The following TNRC18 variants were observed in gnomAD, a reference collection of about 807,000 sequenced individuals.
TNRC18 encodes trinucleotide repeat-containing gene 18 protein.
In TNRC18, 69 loss-of-function variants were observed where a neutral mutation model predicts 226.7. The observed-to-expected ratio is 0.30, with a 90% confidence interval of 0.25 to 0.37. The LOEUF (loss-of-function observed/expected upper bound fraction) is 0.37. Ranked by LOEUF, TNRC18 falls within the 10% of genes least tolerant of loss-of-function variation. The pLI is 1.00. For synonymous variants in TNRC18, 2,449 were observed against 1,927.6 expected (o/e 1.27, Z -7.09); for missense variants, 4,754 against 4,256.6 (o/e 1.12, Z -3.25).
At position 5,352,069 on chromosome 7, in the gene TNRC18, T is replaced by C. The variant is rs749315484; in HGVS notation, c.5220A>G (p.Glu1740=). 1.2e-5 allele frequency: 19 copies of C among 1,610,142 alleles called. No homozygotes were observed. The East Asian group carries it at 3.3e-4, about 28-fold the overall frequency. ...SYNTDSEEDE[E]FLKDEWPAQG... is the part of the protein sequence containing the mutation. Reference sequence around the variant, plus strand: ...GGGCGGGCCACTCGTCCTTCAGGAATTCTTCGTCTTCCTCTGAGTCCGTAT... The same window carrying C: ...GGGCGGGCCACTCGTCCTTCAGGAACTCTTCGTCTTCCTCTGAGTCCGTAT... The change falls in exon 17 of 30, where the codon GAA becomes GAG. Residue 1740 remains glutamate, a synonymous_variant. Transcript: ENST00000430969.
intron 2 of TNRC18, among the ~76,000 whole-genome samples, chr7:5,405,273 CA>C (rs1200957551): frequency 6.6e-6 from 1 of 152,052 alleles, no homozygotes; most frequent in Non-Finnish European, 1.5e-5. Context: ...ACTAAAAATA[CA>C]AAAGTTAGCC....
chr7:5,330,550 C>G (rs547133448), intron 19 of TNRC18, among the ~76,000 whole-genome samples: 6 of 152,064 alleles, frequency 3.9e-5, no homozygotes, highest in African/African-American at 1.4e-4. Flanking sequence ...GGTGCCTGTC[C>G]ATATGTGAGC....
chr7:5,357,405 C>T (rs904931792), intron 15 of TNRC18, 129 bp from the exon 16 acceptor site: 3 of 1,019,068 alleles, frequency 2.9e-6, no homozygotes, highest in African/African-American at 3.3e-5. Context: ...CCTCTTAGCA[C>T]GCATATATAT....
chr7:5,346,804 A>G (rs1375956195), intron 17 of TNRC18, among the ~76,000 whole-genome samples: 1 of 152,238 alleles, frequency 6.6e-6, no homozygotes, highest in African/African-American at 2.4e-5. Flanking sequence ...GCCGGGGTCC[A>G]GAGAGAATCA....
At chr7:5,351,607 T>C (rs1450242576) in intron 17 of TNRC18, among the ~76,000 whole-genome samples, 1 of 152,092 alleles carries the variant, frequency 6.6e-6, no homozygotes, top group African/African-American at 2.4e-5. Flanking sequence ...ATCACAATGA[T>C]ACAGTACAAA....
intron 4 of TNRC18, 158 bp downstream of exon 4, chr7:5,390,327 C>CCAG (rs1196405727): frequency 2.5e-6 from 2 of 813,330 alleles, no homozygotes; most frequent in Non-Finnish European, 3.8e-6. Context: ...CCACTGCACT[C>CCAG]CAGCCTGGGC....
Position 5,313,401 on chromosome 7 carries a change from C to T in TNRC18, c.7490G>A (p.Ser2497Asn). The T allele has an allele frequency of 6.3e-7, 1 of 1,595,382 alleles. No homozygotes were observed. The highest frequency in any genetic ancestry group is 8.5e-7 in the Non-Finnish European group (1 of 1,172,404). The change falls in exon 27 of 30, where the codon AGC becomes AAC. Residue 2497 changes from serine (S) to asparagine (N), a missense_variant. Transcript: ENST00000430969. ...PGAGGWQEPK[S>N]LLSLGSYPPA... ...GGGATAGCTGCCCAGGCTCAGGAGG[C>T]TCTTGGGCTCCTGCCAGCCCCCCGC...
chr7:5,345,517 G>GCACCCCCCC lies in TNRC18; in HGVS notation c.5719+44_5719+45insGGGGGGGTG. 14 of 377,744 alleles carry GCACCCCCCC rather than the reference G, an allele frequency of 3.7e-5. 3 individuals are homozygous for GCACCCCCCC. The highest frequency in any genetic ancestry group is 3.5e-4 in the South Asian group (8 of 22,822). The allele number at this position is 377,744 out of a possible 1,614,324, so 23.4% of individuals were successfully genotyped here. The stretch of plus-strand genomic sequence containing the variant: ...CCTGTGGGATGGGGCAATGGCGTCC[G>GCACCCCCCC]CCCCTCCCACCCACCCCCACCGCAG... On this transcript the variant is annotated intron_variant, in intron 18 of 29. Coordinates refer to ENST00000430969, the MANE Select transcript of TNRC18 (RefSeq NM_001080495.3).
intron 17 of TNRC18, 55 bp downstream of exon 17, chr7:5,351,764 C>A: frequency 6.7e-7 from 1 of 1,502,754 alleles, no homozygotes; most frequent in South Asian, 1.4e-5. Flanking sequence ...CGCTCACTCG[C>A]ACGCACTCTC....
In TNRC18 at chr7:5,350,001, C is replaced by T. The variant is rs187919134; in HGVS notation, c.5470+1818G>A. 2.9e-3 allele frequency among the ~76,000 whole-genome samples: 441 copies of T among 152,296 alleles called. 1 individual carries two copies. Among genetic ancestry groups the T allele is most frequent in the African/African-American group, 0.01 (416 of 41,580 alleles). On this transcript the variant is annotated intron_variant, in intron 17 of 29. Transcript: ENST00000430969. ...TGCGGCGCCAGCCCGGAGCCCCTTC[C>T]TAAGAGGCCTAGGGCGCTGCCTGCT...
chr7:5,378,544 A>G lies in TNRC18; in HGVS notation c.2153-520T>C, dbSNP rs564629156. Among the ~76,000 whole-genome samples the G allele has an allele frequency of 8.1e-4, 123 of 151,034 alleles. 1 individual carries two copies. The highest frequency in any genetic ancestry group is 2.9e-3 in the African/African-American group (120 of 41,118). On this transcript the variant is annotated intron_variant, in intron 5 of 29. Transcript: ENST00000430969. ...CGCCATTCTCCTGCCTCAGCCTCCC[A>G]AGTAGCTGGGACTACAGGTGCCCAC...
chr7:5,383,957 A>ATTTTTTTTTTTTTTTTTTTTTTTTTTTTT (rs765430615), intron 5 of TNRC18, among the ~76,000 whole-genome samples: 1 of 78,794 alleles, frequency 1.3e-5, no homozygotes, highest in African/African-American at 5.3e-5. Flanking sequence ...TACCCGGGTG[A>ATTTTTTTTTTTTTTTTTTTTTTTTTTTTT]TTTTTTTTTT....
chr7:5,390,379 A>AC (rs1780199218), intron 4 of TNRC18, 106 bp downstream of exon 4: 1 of 961,050 alleles, frequency 1.0e-6, no homozygotes, highest in African/African-American at 2.0e-5. Flanking sequence ...AAAAAAAAAA[A>AC]GCCAGCATCC....
intron 9 of TNRC18, among the ~76,000 whole-genome samples, chr7:5,375,192 C>G (rs1338214245): frequency 6.6e-6 from 1 of 152,124 alleles, no homozygotes; most frequent in Non-Finnish European, 1.5e-5. Flanking sequence ...GCCTGTAATT[C>G]CAGCTACTCG....
At position 5,370,464 on chromosome 7, in the gene TNRC18, A is replaced by G. The variant is rs1332009614; in HGVS notation, c.4130T>C (p.Leu1377Pro). 1 of 1,576,464 alleles carries G rather than the reference A, an allele frequency of 6.3e-7. No individual in the cohort carries two copies. The highest frequency in any genetic ancestry group is 1.2e-5 in the South Asian group (1 of 86,272). Residue 1377 changes from leucine (L) to proline (P), a missense_variant, in exon 11 of 30, where the codon CTT (leucine) becomes CCT (proline). Coordinates refer to ENST00000430969, the MANE Select transcript of TNRC18 (RefSeq NM_001080495.3). ...ALEKLEAAES[L>P]VLEQSFLHGI... The stretch of plus-strand genomic sequence containing the variant: ...ATGCAGGAAGCTCTGCTCCAAGACA[A>G]GGCTCTCGGCTGCTTCCAGCTTCTC...
At chr7:5,339,239 T>TTG (rs1554277863) in intron 18 of TNRC18, among the ~76,000 whole-genome samples, 2 of 151,570 alleles carry the variant, frequency 1.3e-5, no homozygotes, top group Non-Finnish European at 2.9e-5. Flanking sequence ...CTTTTTTTTT[T>TTG]TGTGTTTTTT....
rs746998201 is a variant in TNRC18 at position 5,315,952 on chromosome 7, T to G, written c.6862+4A>C. 2 of 1,575,804 alleles carry G rather than the reference T, an allele frequency of 1.3e-6. No homozygotes were observed. The highest frequency in any genetic ancestry group is 4.9e-5 in the East Asian group (2 of 41,230). ...AGACCGGGTGTCATGAGCTTGTCACTTACACTGTATCTTATAGTCAGGGGG... is the reference window on the plus strand; with the variant it reads ...AGACCGGGTGTCATGAGCTTGTCACGTACACTGTATCTTATAGTCAGGGGG... On this transcript the variant is annotated splice_donor_region_variant and intron_variant, in intron 25 of 29. Transcript: ENST00000430969.
intron 15 of TNRC18, 26 bp downstream of exon 15, chr7:5,359,372 C>G: frequency 6.2e-7 from 1 of 1,613,396 alleles, no homozygotes; most frequent in Non-Finnish European, 8.5e-7. Flanking sequence ...AAAGATCTCA[C>G]ACACCTGGAA....
chr7:5,421,181 G>C lies in TNRC18; in HGVS notation c.66C>G (p.Gly22=). 3.6e-6 allele frequency: 5 copies of C among 1,391,062 alleles called. No individual in the cohort carries two copies. Among genetic ancestry groups the C allele is most frequent in the Non-Finnish European group, 4.7e-6 (5 of 1,069,854 alleles). The allele number at this position is 1,391,062 out of a possible 1,614,324, so 86.2% of individuals were successfully genotyped here. A position where few individuals can be genotyped will look rare whatever the true frequency, so the allele number is the denominator to read the frequency against. Residue 22 remains glycine, a synonymous_variant, in exon 2 of 30, where the codon GGC becomes GGG. Coordinates refer to ENST00000430969, the MANE Select transcript of TNRC18 (RefSeq NM_001080495.3). ...CCACGCGGTGGCTGTCCATGGCCAGGCCGGACAGCAGCGGCGGCGGGGGAC... is the reference window on the plus strand; with the variant it reads ...CCACGCGGTGGCTGTCCATGGCCAGCCCGGACAGCAGCGGCGGCGGGGGAC... ...VHGPPPPLLS[G]LAMDSHRVGA...
Sources: allele counts gnomAD v4.1 joint callset (sites outside exome capture counted in the v4.1 genomes callset), GRCh38; gene constraint gnomAD v4.1.1; transcripts MANE v1.5; gene names NCBI Gene and HGNC (gene_info 2026-07-23, HGNC 2026-07-21).